Variants in CFAP54 observed in about 807,000 individuals in gnomAD.
CFAP54 encodes the protein cilia- and flagella-associated protein 54.
CFAP54 carries 290 observed loss-of-function variants against 370.4 expected under a neutral mutation model. The observed-to-expected ratio is 0.78, with a 90% CI of 0.71 to 0.86. The LOEUF (loss-of-function observed/expected upper bound fraction) is 0.86. Ranked by LOEUF, CFAP54 falls within the 40% of genes least tolerant of loss-of-function variation. The pLI is 0.00. For missense variants in CFAP54, 3,399 were observed against 3,528.7 expected (o/e 0.96, Z 0.93); for synonymous variants, 1,206 against 1,236.5 (o/e 0.98, Z 0.52).
intron 26 of CFAP54, among the ~76,000 whole-genome samples, chr12:96,613,205 G>A (rs1365387541): frequency 6.6e-6 from 1 of 152,100 alleles, no homozygotes; most frequent in Non-Finnish European, 1.5e-5. Flanking sequence ...AAGAACTCAA[G>A]ATTAAAAACT....
intron 8 of CFAP54, among the ~76,000 whole-genome samples, chr12:96,525,514 T>C (rs973930528): frequency 9.2e-5 from 14 of 152,280 alleles, no homozygotes; most frequent in African/African-American, 2.9e-4. Context: ...TTATAAATAA[T>C]TTCATTCTTT....
intron 19 of CFAP54, chr12:96,565,048 C>T (rs2136411298): frequency 5.1e-6 from 1 of 197,736 alleles, no homozygotes; most frequent in Non-Finnish European, 1.0e-5. Context: ...ATTGGAGTGA[C>T]ACTTTACCAG....
At chr12:96,768,602 C>T (rs1244239665) in intron 60 of CFAP54, among the ~76,000 whole-genome samples, 5 of 151,744 alleles carry the variant, frequency 3.3e-5, no homozygotes, top group Admixed American at 6.6e-5. Flanking sequence ...TGCAGTGAGC[C>T]GAGATCACGC....
intron 58 of CFAP54, among the ~76,000 whole-genome samples, chr12:96,760,651 G>A (rs1283420716): frequency 1.3e-5 from 2 of 152,196 alleles, no homozygotes; most frequent in African/African-American, 4.8e-5. Context: ...TCCTGCCTCA[G>A]CTTCCCGAGT....
intron 50 of CFAP54, among the ~76,000 whole-genome samples, chr12:96,728,405 T>C (rs1957869909): frequency 6.6e-6 from 1 of 152,218 alleles, no homozygotes; most frequent in South Asian, 2.1e-4. Flanking sequence ...TAAACTTCCC[T>C]TCTCGCTTCA....
At chr12:96,496,479 T>A (rs1954956059) in intron 1 of CFAP54, among the ~76,000 whole-genome samples, 1 of 152,238 alleles carries the variant, frequency 6.6e-6, no homozygotes, top group African/African-American at 2.4e-5. Flanking sequence ...TCTCCTGGTT[T>A]GTAGAAGGCT....
chr12:96,489,659 C>T lies in CFAP54; in HGVS notation c.50C>T (p.Thr17Ile), dbSNP rs1227073357. The change falls in exon 1 of 68, where the codon ACC becomes ATC. Residue 17 changes from threonine to isoleucine, a missense_variant. Transcript: ENST00000524981. Reference protein sequence around the residue: ...PSSSPSDDSTTSGSLPELPPT... With the variant: ...PSSSPSDDSTISGSLPELPPT... ...AGCTCTCCGTCAGACGACTCTACCA[C>T]CTCGGGGTCTCTGCCAGAACTGCCG... is the stretch of plus-strand genomic sequence containing the variant. The T allele has an allele frequency of 9.1e-6, 14 of 1,535,148 alleles. No homozygotes were observed. Among genetic ancestry groups the T allele is most frequent in the Non-Finnish European group, 1.2e-5 (14 of 1,146,250 alleles).
At chr12:96,510,342 A>C (rs1020688883) in intron 4 of CFAP54, among the ~76,000 whole-genome samples, 1 of 151,866 alleles carries the variant, frequency 6.6e-6, no homozygotes, top group African/African-American at 2.4e-5. Context: ...ATCTGATACC[A>C]TTTACTCTCT....
chr12:96,564,434 A>G (rs368593621), intron 17 of CFAP54, 34 bp from the exon 18 acceptor site: 3 of 681,888 alleles, frequency 4.4e-6, no homozygotes, highest in Non-Finnish European at 8.0e-6. Context: ...TTGGATACAT[A>G]CTTAATTGTT....
At chr12:96,551,115 A>G (rs1294706695) in intron 15 of CFAP54, among the ~76,000 whole-genome samples, 2 of 152,124 alleles carry the variant, frequency 1.3e-5, no homozygotes, top group Non-Finnish European at 2.9e-5. Flanking sequence ...CAAAAAAAAT[A>G]CAAAAATTAG....
chr12:96,722,938 C>G (rs1419990799), intron 50 of CFAP54, among the ~76,000 whole-genome samples: 1 of 150,870 alleles, frequency 6.6e-6, no homozygotes, highest in Non-Finnish European at 1.5e-5. Context: ...GGGGAAACAC[C>G]AGGAATTAAA....
At chr12:96,778,878 T>TCA (rs1328560338) in intron 60 of CFAP54, among the ~76,000 whole-genome samples, 1 of 151,870 alleles carries the variant, frequency 6.6e-6, no homozygotes, top group Non-Finnish European at 1.5e-5. Context: ...GAGTCTGAGG[T>TCA]GGGTGGATCA....
At chr12:96,849,364 A>G (rs1959469779) in intron 66 of CFAP54, among the ~76,000 whole-genome samples, 1 of 152,364 alleles carries the variant, frequency 6.6e-6, no homozygotes, top group Non-Finnish European at 1.5e-5. Flanking sequence ...AATTAAAAGA[A>G]TAGGCATGCC....
chr12:96,499,298 G>A (rs1954995936), intron 1 of CFAP54, among the ~76,000 whole-genome samples: 1 of 152,112 alleles, frequency 6.6e-6, no homozygotes, highest in African/African-American at 2.4e-5. Flanking sequence ...TCTTAAAAAT[G>A]GGCCAAAGAC....
rs1323592044 is a variant in CFAP54, at chr12:96,875,210, G to T, written c.*107G>T. The T allele has an allele frequency of 1.3e-5, 2 of 152,210 alleles. No homozygotes were observed. Among genetic ancestry groups the T allele is most frequent in the Non-Finnish European group, 2.9e-5 (2 of 68,052 alleles). The allele number at this position is 152,210 out of a possible 1,614,324, so 9.4% of individuals were successfully genotyped here. On this transcript the variant is annotated 3_prime_UTR_variant, in exon 68 of 68. Transcript: ENST00000524981. ...TCAGCCTTTGGAAATTTGGTGAGAA[G>T]AAGTAGTCATGATTCAATGTCTTGC... is the stretch of plus-strand genomic sequence containing the variant.
At chr12:96,798,661 G>A (rs953603064) in intron 63 of CFAP54, among the ~76,000 whole-genome samples, 2 of 152,138 alleles carry the variant, frequency 1.3e-5, no homozygotes, top group Non-Finnish European at 2.9e-5. Flanking sequence ...GAGTAGATTA[G>A]TTAACTTTTC....
rs748841176 is a variant in CFAP54, at chr12:96,626,902, G to A, written c.4066G>A (p.Val1356Ile). The change falls in exon 30 of 68, where the codon GTA becomes ATA. Residue 1356 changes from valine (V) to isoleucine (I), a missense_variant. Transcript: ENST00000524981. ...CMNEEKFHLM[V>I]EVTTPVHDFL... ...GAATGAGGAAAAATTTCATCTTATG[G>A]TAGAGGTAACAACTCCTGTCCATGA... is the stretch of plus-strand genomic sequence containing the variant. The A allele has an allele frequency of 1.4e-6, 2 of 1,434,282 alleles. No individual in the cohort carries two copies. The highest frequency in any genetic ancestry group is 1.8e-6 in the Non-Finnish European group (2 of 1,085,322). 88.8% of individuals were successfully genotyped at this position (1,434,282 alleles called of 1,614,324 possible). A position where few individuals can be genotyped will look rare whatever the true frequency, so the allele number is the denominator to read the frequency against.
At chr12:96,635,776 A>G (rs140493200) in intron 32 of CFAP54, among the ~76,000 whole-genome samples, 1 of 152,302 alleles carries the variant, frequency 6.6e-6, no homozygotes, top group African/African-American at 2.4e-5. Context: ...AACACTTTAA[A>G]TGTTTACTAG....
intron 50 of CFAP54, among the ~76,000 whole-genome samples, chr12:96,737,038 A>G (rs951642310): frequency 6.6e-6 from 1 of 152,230 alleles, no homozygotes. Context: ...GGATGATAAT[A>G]GTACACGTTG....
Sources: gnomAD v4.1 joint callset for allele counts (sites outside exome capture counted in the v4.1 genomes callset) on GRCh38, gnomAD v4.1.1 for gene constraint, MANE v1.5 for transcripts, NCBI Gene and HGNC (gene_info 2026-07-23, HGNC 2026-07-21) for gene names.